Variants in HHIPL1 observed in about 807,000 individuals in gnomAD.
The protein encoded by HHIPL1 is HHIP like 1.
A neutral mutation model predicts 61.8 loss-of-function variants in HHIPL1; 43 were observed. The ratio of observed to expected loss-of-function variants is 0.70; its 90% CI spans 0.55 to 0.90. HHIPL1 has a LOEUF of 0.90. Among genes scored for constraint, HHIPL1 ranks in the 40% least tolerant of loss-of-function variants. The pLI, the probability that HHIPL1 is intolerant of heterozygous loss-of-function variation, is 0.00. For synonymous variants in HHIPL1, 482 were observed against 515.8 expected, an observed-to-expected ratio of 0.93 and a Z score of 0.89; for missense variants, 1,056 against 1,157.7, an observed-to-expected ratio of 0.91 and a Z score of 1.28.
Position 99,662,980 on chromosome 14 carries a change from A to G in HHIPL1, c.1607A>G (p.Asn536Ser), listed in dbSNP as rs2056177143. ...QTCEFPGLIN[N>S]YYPYIISFGE... Reference sequence around the variant, plus strand: ...TGTGAGTTCCCAGGCCTCATCAACAACTACTACCCGTACATCATCTCCTTC... The same window carrying G: ...TGTGAGTTCCCAGGCCTCATCAACAGCTACTACCCGTACATCATCTCCTTC... The change falls in exon 6 of 9, where the codon AAC (asparagine) becomes AGC (serine). Residue 536 changes from asparagine to serine, a missense_variant. By Grantham distance (46) the Asn-to-Ser change is conservative. Transcript: ENST00000330710. 1 of 1,613,742 alleles carries G rather than the reference A, an allele frequency of 6.2e-7. No individual in the cohort carries two copies.
chr14:99,608,325 C>G, the HHIPL1 span, among the ~76,000 whole-genome samples: 1 of 152,180 alleles, frequency 6.6e-6, no homozygotes, highest in Admixed American at 6.5e-5. Context: ...CCAACACCAC[C>G]TGCCGCTTAT....
intron 1 of HHIPL1, 39 bp from the exon 2 acceptor site, chr14:99,652,185 C>G: frequency 1.9e-6 from 3 of 1,541,050 alleles, no homozygotes; most frequent in Non-Finnish European, 1.7e-6. Flanking sequence ...CTGGTAAGCA[C>G]CTCCACAAAA....
Position 99,675,989 on chromosome 14 carries a change from AG to A in HHIPL1, c.*365del. On this transcript the variant is annotated 3_prime_UTR_variant, in exon 9 of 9. Coordinates refer to ENST00000330710, the MANE Select transcript of HHIPL1 (RefSeq NM_001127258.3). This position sits in a 1 kb window ranked among gnomAD's most constrained non-coding sequence, Gnocchi z 5.4. ...ACATGGCCCCTGGCTGTGCTAACAG[AG>A]GCACAGCTTGCAGACTGAGGGCGGT... 4.1e-6 allele frequency: 1 copy of A among 243,322 alleles called. No homozygotes were observed. The highest frequency in any genetic ancestry group is 1.6e-4 in the South Asian group (1 of 6,424). The allele number at this position is 243,322 out of a possible 1,614,324, so 15.1% of individuals were successfully genotyped here.
rs115113932 is a variant in HHIPL1 at position 99,666,611 on chromosome 14, G to A, written c.1649-1611G>A. Among the ~76,000 whole-genome samples, 1,052 of 152,340 alleles carry A rather than the reference G, an allele frequency of 6.9e-3. 8 individuals carry two copies. Among genetic ancestry groups the A allele is most frequent in the African/African-American group, 0.024 (985 of 41,576 alleles). ...CCAGATGAACCAGGGAGTTCCTCAA[G>A]GGGTTGGAACAGAGGAGACCAGGGC... On this transcript the variant is annotated intron_variant, in intron 6 of 8. Transcript: ENST00000330710.
intron 1 of HHIPL1, among the ~76,000 whole-genome samples, chr14:99,647,216 G>A (rs1229252429): frequency 1.3e-5 from 2 of 152,220 alleles, no homozygotes; most frequent in African/African-American, 2.4e-5. Flanking sequence ...GAATGCAACA[G>A]AGGGTGGGCT....
At chr14:99,663,709 C>T (rs1482168541) in intron 6 of HHIPL1, among the ~76,000 whole-genome samples, 1 of 152,180 alleles carries the variant, frequency 6.6e-6, no homozygotes, top group African/African-American at 2.4e-5. Flanking sequence ...CATGCGTCTT[C>T]ACCTCTCTGA....
the HHIPL1 span, among the ~76,000 whole-genome samples, chr14:99,604,899 C>T: frequency 6.6e-6 from 1 of 152,238 alleles, no homozygotes; most frequent in Non-Finnish European, 1.5e-5. Flanking sequence ...TGCCCCCAGG[C>T]TCCTCCGCCC....
At chr14:99,604,873 T>G in the HHIPL1 span, among the ~76,000 whole-genome samples, 1 of 151,890 alleles carries the variant, frequency 6.6e-6, no homozygotes, top group Non-Finnish European at 1.5e-5. Flanking sequence ...GCAGGGCGGC[T>G]CTTTGTCCCC....
In HHIPL1 at chr14:99,652,915, A is replaced by T. The variant is rs940180162; in HGVS notation, c.902+45A>T. 3.2e-6 allele frequency: 5 copies of T among 1,571,054 alleles called. No individual in the cohort carries two copies. The African/African-American group carries it at 6.7e-5, about 21-fold the overall frequency. The stretch of plus-strand genomic sequence containing the variant: ...CGGGCCTGGGTGGGGGCAGGCACCC[A>T]TATGCACTGGTGTGACAGGACCAGT... On this transcript the variant is annotated intron_variant, in intron 2 of 8. Coordinates refer to ENST00000330710, the MANE Select transcript of HHIPL1 (RefSeq NM_001127258.3).
the HHIPL1 span, among the ~76,000 whole-genome samples, chr14:99,627,909 AG>A: frequency 6.6e-6 from 1 of 152,126 alleles, no homozygotes; most frequent in African/African-American, 2.4e-5. This position sits in a 1 kb window ranked among gnomAD's most constrained non-coding sequence, Gnocchi z 4.4. Flanking sequence ...AAGGCAGGAA[AG>A]GCCCCCGAGG....
the HHIPL1 span, among the ~76,000 whole-genome samples, chr14:99,621,956 C>A: frequency 0.033 from 4,967 of 152,130 alleles, 139 homozygotes; most frequent in Non-Finnish European, 0.049. Context: ...ACCTCGTGAT[C>A]CGCCCACCTT....
In HHIPL1 at chr14:99,668,970, G is replaced by T. The variant is rs1433225025; in HGVS notation, c.1730+667G>T. The T allele has an allele frequency of 6.3e-7, 1 of 1,583,236 alleles. No individual in the cohort carries two copies. The stretch of plus-strand genomic sequence containing the variant: ...TCATGGGCCTGGGGCCCAGGGCCAG[G>T]GTGGGGCCCAGGCCACTGGCTCCAG... On this transcript the variant is annotated intron_variant, in intron 7 of 8. Coordinates refer to ENST00000330710, the MANE Select transcript of HHIPL1 (RefSeq NM_001127258.3). This position sits in a 1 kb window ranked among gnomAD's most constrained non-coding sequence, Gnocchi z 4.7.
Position 99,660,194 on chromosome 14 carries a change from C to A in HHIPL1, c.1376-86C>A. The A allele has an allele frequency of 6.5e-7, 1 of 1,543,334 alleles. No homozygotes were observed. The highest frequency in any genetic ancestry group is 8.8e-7 in the Non-Finnish European group (1 of 1,137,704). On this transcript the variant is annotated intron_variant, in intron 4 of 8. Coordinates refer to ENST00000330710, the MANE Select transcript of HHIPL1 (RefSeq NM_001127258.3). The surrounding 1 kb of genome is among the most constrained non-coding windows in gnomAD (Gnocchi z 4.9). ...GCCCCTCCCTCCGTGGCCGCCCCAC[C>A]CCCGCGGAATCCCTCCGGAATTCTC...
intron 6 of HHIPL1, among the ~76,000 whole-genome samples, chr14:99,667,340 T>G (rs2056262155): frequency 6.6e-6 from 1 of 151,438 alleles, no homozygotes; most frequent in South Asian, 2.1e-4. Context: ...TTTTCTCAGC[T>G]GTGAGGTAGG....
In HHIPL1 at chr14:99,645,315, G is replaced by A; in HGVS notation, c.108G>A (p.Leu36=). 6.9e-7 allele frequency: 1 copy of A among 1,455,034 alleles called. No individual in the cohort carries two copies. The highest frequency in any genetic ancestry group is 9.0e-7 in the Non-Finnish European group (1 of 1,108,632). The allele number at this position is 1,455,034 out of a possible 1,614,324, so 90.1% of individuals were successfully genotyped here. Residue 36 remains leucine, a synonymous_variant, in exon 1 of 9, where the codon CTG becomes CTA. Coordinates refer to ENST00000330710, the MANE Select transcript of HHIPL1 (RefSeq NM_001127258.3). The part of the protein sequence containing the change: ...FRPPFRPTQP[L]RLCAQYSDFG... ...CGCCCTTCCGGCCGACGCAGCCGCT[G>A]CGCCTCTGCGCGCAGTACTCGGACT...
the HHIPL1 span, among the ~76,000 whole-genome samples, chr14:99,613,060 C>A: frequency 1.3e-5 from 2 of 152,084 alleles, no homozygotes; most frequent in African/African-American, 4.8e-5. Context: ...GCCCTCCCAG[C>A]CCCCTCCTGT....
intron 1 of HHIPL1, among the ~76,000 whole-genome samples, chr14:99,647,849 G>A (rs2055866809): frequency 6.6e-6 from 1 of 152,160 alleles, no homozygotes; most frequent in South Asian, 2.1e-4. Context: ...GGCTTTGCTT[G>A]TCCAGTAAGT....
chr14:99,654,242 C>A (rs1424338197), intron 2 of HHIPL1, among the ~76,000 whole-genome samples: 1 of 151,170 alleles, frequency 6.6e-6, no homozygotes, highest in Non-Finnish European at 1.5e-5. Flanking sequence ...GGGAAGGCAG[C>A]GACTCTGAGG....
At position 99,679,199 on chromosome 14, in the gene HHIPL1, C is replaced by T. The variant is rs373602820; in HGVS notation, c.*3573C>T. Reference sequence around the variant, plus strand: ...GAAAGCCAGCCCCACCCCACTGGGACACAAGTTCAGAGAAGGGCAGAGCTG... The same window carrying T: ...GAAAGCCAGCCCCACCCCACTGGGATACAAGTTCAGAGAAGGGCAGAGCTG... On this transcript the variant is annotated 3_prime_UTR_variant, in exon 9 of 9. Coordinates refer to ENST00000330710, the MANE Select transcript of HHIPL1 (RefSeq NM_001127258.3). 3 of 152,410 alleles carry T rather than the reference C, an allele frequency of 2.0e-5. 1 individual carries two copies. Among genetic ancestry groups the T allele is most frequent in the African/African-American group, 7.2e-5 (3 of 41,584 alleles). 9.4% of individuals were successfully genotyped at this position (152,410 alleles called of 1,614,324 possible).
Sources: gnomAD v4.1 joint callset for allele counts (sites outside exome capture counted in the v4.1 genomes callset) on GRCh38, gnomAD v4.1.1 for gene constraint, Gnocchi (gnomAD v3.1) non-coding constraint, MANE v1.5 for transcripts, NCBI Gene and HGNC (gene_info 2026-07-23, HGNC 2026-07-21) for gene names.